ACOT7: variants seen among roughly 807,000 people sequenced by gnomAD.
ACOT7 encodes acyl-CoA thioesterase 7.
ACOT7 carries 12 observed loss-of-function variants against 40.2 expected under a neutral mutation model. That is an observed-to-expected ratio of 0.30 (90% CI 0.19 to 0.48). The LOEUF is 0.48. Ranked by LOEUF, ACOT7 falls within the 20% of genes least tolerant of loss-of-function variation. ACOT7 has a pLI of 0.99. For missense variants in ACOT7, 395 were observed against 530.8 expected (o/e 0.74, Z 2.51); for synonymous variants, 228 against 219.5 (o/e 1.04, Z -0.34).
At chr1:6,385,819 C>A in intron 1 of ACOT7, 1 of 1,407,760 alleles carries the variant, frequency 7.1e-7, no homozygotes, top group Non-Finnish European at 9.2e-7. Context: ...GACCGCCCCT[C>A]CCCCACCAGC....
intron 7 of ACOT7, among the ~76,000 whole-genome samples, chr1:6,285,635 G>A (rs942748296): frequency 6.6e-6 from 1 of 152,238 alleles, no homozygotes; most frequent in African/African-American, 2.4e-5. Context: ...AGGCGGGTGA[G>A]GCTGGTCATG....
chr1:6,281,291 G>T lies in ACOT7; in HGVS notation c.830-5C>A. The T allele has an allele frequency of 6.2e-7, 1 of 1,612,958 alleles. No individual in the cohort carries two copies. Among genetic ancestry groups the T allele is most frequent in the South Asian group, 1.1e-5 (1 of 91,080 alleles). Reference sequence around the variant, plus strand: ...CCGAGATGGTGATGACGCAGCCTGTGGAGAAGGGAGGGCGGGGGTCAGGGC... The same window carrying T: ...CCGAGATGGTGATGACGCAGCCTGTTGAGAAGGGAGGGCGGGGGTCAGGGC... On this transcript the variant is annotated splice_polypyrimidine_tract_variant and splice_region_variant and intron_variant, in intron 7 of 8. Coordinates refer to ENST00000361521, the MANE Select transcript of ACOT7 (RefSeq NM_007274.4).
intron 1 of ACOT7, chr1:6,385,557 G>T: frequency 6.2e-7 from 1 of 1,612,248 alleles, no homozygotes; most frequent in East Asian, 2.2e-5. Flanking sequence ...CTGGACGGGA[G>T]CGCAGCACCC....
Position 6,393,299 on chromosome 1 carries a change from G to T in ACOT7, c.101C>A (p.Ser34Ter), listed in dbSNP as rs2148487232. ...GGACGGCGTCTCGACGTCTGGGCCC[G>T]ACATGCTGGGGGCTGCGGCGGCGGA... ...AASAAAAPSM[S>*]GPDVETPSAI... The change falls in exon 1 of 9, where the codon TCG (serine) becomes TAG (stop). Residue 34 changes from serine (S) to a stop codon, truncating the protein, a stop_gained. Coordinates refer to ENST00000361521, the MANE Select transcript of ACOT7 (RefSeq NM_007274.4). LOFTEE classifies it high-confidence loss of function. The T allele has an allele frequency of 7.8e-7, 1 of 1,284,272 alleles. No homozygotes were observed. Among genetic ancestry groups the T allele is most frequent in the Non-Finnish European group, 9.9e-7 (1 of 1,015,210 alleles). 79.6% of individuals were successfully genotyped at this position (1,284,272 alleles called of 1,614,324 possible).
At chr1:6,346,744 G>T (rs1180630013) in intron 2 of ACOT7, among the ~76,000 whole-genome samples, 1 of 152,222 alleles carries the variant, frequency 6.6e-6, no homozygotes, top group African/African-American at 2.4e-5. Flanking sequence ...TCAGGTGATC[G>T]GGTGATCGGA....
At position 6,281,953 on chromosome 1, in the gene ACOT7, C is replaced by T. The variant is rs1450697993; in HGVS notation, c.830-667G>A. On this transcript the variant is annotated intron_variant, in intron 7 of 8. Transcript: ENST00000361521. Reference sequence around the variant, plus strand: ...TCCTCCTCTGGGCTGCTGGATGCCACACCCCTTGGCCAGAGTCCTCCATGC... The same window carrying T: ...TCCTCCTCTGGGCTGCTGGATGCCATACCCCTTGGCCAGAGTCCTCCATGC... 3.3e-5 allele frequency among the ~76,000 whole-genome samples: 5 copies of T among 152,174 alleles called. No individual in the cohort carries two copies. The East Asian group carries it at 7.7e-4, about 23-fold the overall frequency.
intron 6 of ACOT7, among the ~76,000 whole-genome samples, chr1:6,307,999 C>A (rs975282092): frequency 3.3e-5 from 5 of 150,324 alleles, no homozygotes; most frequent in Admixed American, 3.3e-4. Context: ...GAGGGAACCA[C>A]AACCAGGCAG....
At position 6,289,706 on chromosome 1, in the gene ACOT7, T is replaced by A. The variant is rs568113071; in HGVS notation, c.829+5158A>T. ...TTTGTGTGTGTTTTGTTTTGTTTTG[T>A]TTTTAAAGAAACAGGGGTCTCACTG... On this transcript the variant is annotated intron_variant, in intron 7 of 8. Coordinates refer to ENST00000361521, the MANE Select transcript of ACOT7 (RefSeq NM_007274.4). The surrounding 1 kb of genome is among the most constrained non-coding windows in gnomAD (Gnocchi z 4.6). Among the ~76,000 whole-genome samples the A allele has an allele frequency of 1.3e-5, 2 of 151,916 alleles. No homozygotes were observed. Among genetic ancestry groups the A allele is most frequent in the Admixed American group, 6.6e-5 (1 of 15,258 alleles).
chr1:6,393,524 C>A lies in ACOT7; in HGVS notation c.-125G>T. On this transcript the variant is annotated 5_prime_UTR_variant, in exon 1 of 9. Transcript: ENST00000361521. ...GCCGGCCCCACCCCGAGCCCCGCCTCCCAGGCCGCCAAGGCTGCAGAGAGC... is the reference window on the plus strand; with the variant it reads ...GCCGGCCCCACCCCGAGCCCCGCCTACCAGGCCGCCAAGGCTGCAGAGAGC... 1 of 892,684 alleles carries A rather than the reference C, an allele frequency of 1.1e-6. No individual in the cohort carries two copies. The allele number at this position is 892,684 out of a possible 1,614,324, so 55.3% of individuals were successfully genotyped here.
In ACOT7 at chr1:6,264,431, T is replaced by C. The variant is rs779166647; in HGVS notation, c.*166A>G. On this transcript the variant is annotated 3_prime_UTR_variant, in exon 9 of 9. Coordinates refer to ENST00000361521, the MANE Select transcript of ACOT7 (RefSeq NM_007274.4). ...ATGATATAAATAAAGCTTTGGTGTG[T>C]AGGTTTGCAGGAGAGAGTACAGGTT... The C allele has an allele frequency of 2.7e-5, 17 of 618,418 alleles. No individual in the cohort carries two copies. Among genetic ancestry groups the C allele is most frequent in the Non-Finnish European group, 3.7e-5 (13 of 353,562 alleles). 38.3% of individuals were successfully genotyped at this position (618,418 alleles called of 1,614,324 possible).
chr1:6,326,600 T>C (rs1466888243), intron 5 of ACOT7, among the ~76,000 whole-genome samples: 1 of 152,156 alleles, frequency 6.6e-6, no homozygotes, highest in Non-Finnish European at 1.5e-5. Flanking sequence ...GCCGTTTTTT[T>C]CTTTTTTGGA....
chr1:6,316,360 T>C (rs1244821147), intron 6 of ACOT7, among the ~76,000 whole-genome samples: 1 of 152,202 alleles, frequency 6.6e-6, no homozygotes, highest in Non-Finnish European at 1.5e-5. Flanking sequence ...CAGATTGTCA[T>C]AGTGCTCGTG....
chr1:6,393,322 G>GGATGCGGCGGGCGGCTGCA lies in ACOT7; in HGVS notation c.59_77dup (p.Ala30ArgfsTer31). The GGATGCGGCGGGCGGCTGCA allele has an allele frequency of 1.6e-6, 2 of 1,268,868 alleles. No individual in the cohort carries two copies. Among genetic ancestry groups the GGATGCGGCGGGCGGCTGCA allele is most frequent in the East Asian group, 5.9e-5 (2 of 34,132 alleles). The allele number at this position is 1,268,868 out of a possible 1,614,324, so 78.6% of individuals were successfully genotyped here. On this transcript the variant is annotated frameshift_variant, in exon 1 of 9. Coordinates refer to ENST00000361521, the MANE Select transcript of ACOT7 (RefSeq NM_007274.4). LOFTEE classifies it high-confidence loss of function. Reference sequence around the variant, plus strand: ...CCGACATGCTGGGGGCTGCGGCGGCGGATGCGGCGGGCGGCTGCAGAAGGG... The same window carrying GGATGCGGCGGGCGGCTGCA: ...CCGACATGCTGGGGGCTGCGGCGGCGGATGCGGCGGGCGGCTGCAGATGCGGCGGGCGGCTGCAGAAGGG...
chr1:6,307,024 C>A, intron 6 of ACOT7: 6 of 943,544 alleles, frequency 6.4e-6, no homozygotes, highest in Non-Finnish European at 8.7e-6. Context: ...TAGTCTCAGG[C>A]TAAGCTGTGC....
At chr1:6,354,377 A>G (rs2148459972) in intron 1 of ACOT7, among the ~76,000 whole-genome samples, 1 of 152,354 alleles carries the variant, frequency 6.6e-6, no homozygotes, top group East Asian at 1.9e-4. Flanking sequence ...TTCGGGGCCC[A>G]AGGCCAGGAG....
chr1:6,305,100 G>A (rs1557641516), intron 6 of ACOT7, among the ~76,000 whole-genome samples: 2 of 144,800 alleles, frequency 1.4e-5, no homozygotes, highest in African/African-American at 5.0e-5. Context: ...CTCCCGGATG[G>A]GGCGGCTGGC....
chr1:6,323,752 A>G (rs1206626436), intron 5 of ACOT7, among the ~76,000 whole-genome samples: 2 of 129,076 alleles, frequency 1.5e-5, no homozygotes, highest in Admixed American at 1.5e-4. Flanking sequence ...ATATATATAT[A>G]TATATATATA....
chr1:6,271,350 A>G (rs1373300598), intron 8 of ACOT7, among the ~76,000 whole-genome samples: 1 of 152,144 alleles, frequency 6.6e-6, no homozygotes, highest in South Asian at 2.1e-4. Flanking sequence ...AGCCTGAGGG[A>G]CACAGACCTT....
chr1:6,293,520 G>T (rs954281024), intron 7 of ACOT7, among the ~76,000 whole-genome samples: 2 of 152,108 alleles, frequency 1.3e-5, no homozygotes, highest in Non-Finnish European at 2.9e-5. Flanking sequence ...TGAGTGAGCC[G>T]CTGTCTCTAC....
Sources: allele counts gnomAD v4.1 joint callset (sites outside exome capture counted in the v4.1 genomes callset), GRCh38; gene constraint gnomAD v4.1.1; non-coding constraint Gnocchi (gnomAD v3.1); transcripts MANE v1.5; gene names NCBI Gene and HGNC (gene_info 2026-07-23, HGNC 2026-07-21).